Variants in XIRP1 observed in about 807,000 individuals in gnomAD.
The protein encoded by XIRP1 is xin actin-binding repeat-containing protein 1.
For missense variants in XIRP1, 2,378 were observed against 2,345.4 expected, an observed-to-expected ratio of 1.01 and a Z score of -0.29; for synonymous variants, 984 against 947.0, an observed-to-expected ratio of 1.04 and a Z score of -0.72.
chr3:39,186,757 T>C lies in XIRP1; in HGVS notation c.2689A>G (p.Met897Val). Residue 897 changes from methionine (M) to valine (V), a missense_variant, in exon 2 of 2, where the codon ATG becomes GTG. Transcript: ENST00000340369. ...ACCAGGCCCTGCTCTGTCTCCTGCA[T>C]CACCAGCCCAGTCCTTGCCACGGAG... The part of the protein sequence containing the change: ...GTSVARTGLV[M>V]QETEQGLVAL... The C allele has an allele frequency of 2.5e-6, 4 of 1,614,002 alleles. No individual in the cohort carries two copies. Among genetic ancestry groups the C allele is most frequent in the Non-Finnish European group, 3.4e-6 (4 of 1,180,022 alleles).
chr3:39,188,884 C>T lies in XIRP1; in HGVS notation c.562G>A (p.Val188Met), dbSNP rs780722042. Residue 188 changes from valine (V) to methionine (M), a missense_variant, in exon 2 of 2, where the codon GTG becomes ATG. By Grantham distance (21) the Val-to-Met change is conservative. Coordinates refer to ENST00000340369, the MANE Select transcript of XIRP1 (RefSeq NM_194293.4). ...TVREPAASGDVQGTRMLFETR... is the reference protein window; with the variant it reads ...TVREPAASGDMQGTRMLFETR... ...TCAAAGAGCATCCTGGTACCCTGCA[C>T]ATCTCCGCTGGCTGCAGGCTCCCTC... 2 of 1,613,036 alleles carry T rather than the reference C, an allele frequency of 1.2e-6. No individual in the cohort carries two copies. Among genetic ancestry groups the T allele is most frequent in the Admixed American group, 1.7e-5 (1 of 60,028 alleles).
rs1400412184 is a variant in XIRP1 at position 39,184,511 on chromosome 3, C to T, written c.4935G>A (p.Arg1645=). Residue 1645 remains arginine (R), a synonymous_variant, in exon 2 of 2, where the codon AGG becomes AGA. Transcript: ENST00000340369. The part of the protein sequence containing the change: ...GHTASTAPST[R]RQETSREYLC... ...AATACTCTCTTGATGTCTCCTGCCT[C>T]CTGGTGGAAGGGGCAGTTGAGGCTG... is the stretch of plus-strand genomic sequence containing the variant. 2 of 1,613,768 alleles carry T rather than the reference C, an allele frequency of 1.2e-6. No individual in the cohort carries two copies. The highest frequency in any genetic ancestry group is 2.7e-5 in the African/African-American group (2 of 74,930).
rs755075212 is a variant in XIRP1 at position 39,186,686 on chromosome 3, G to A, written c.2760C>T (p.Ala920=). Residue 920 remains alanine, a synonymous_variant, in exon 2 of 2, where the codon GCC becomes GCT. Coordinates refer to ENST00000340369, the MANE Select transcript of XIRP1 (RefSeq NM_194293.4). ...ACAGCTGCACGCTGCTCCTCTCAGA[G>A]GCCTTGCTAGTTAGCCGGGGCTGCA... ...YSLQPRLTSK[A]SERSSVQLLA... 4.3e-6 allele frequency: 7 copies of A among 1,613,984 alleles called. No individual in the cohort carries two copies. The Admixed American group carries it at 5.0e-5, about 12-fold the overall frequency.
rs759887320 is a variant in XIRP1, at chr3:39,186,094, TG to T, written c.3351del (p.Arg1118GlufsTer19). On this transcript the variant is annotated frameshift_variant, in exon 2 of 2. Coordinates refer to ENST00000340369, the MANE Select transcript of XIRP1 (RefSeq NM_194293.4). LOFTEE classifies it low-confidence loss of function (END_TRUNC). ...GGSDPRIPAAPRKVSREEQAL... is the reference protein window; with the variant it reads ...GGSDPRIPAAXRKVSREEQAL... ...GCTTGCTCTTCCCTACTGACCTTTC[TG>T]GGGGCTGCTGGGATCCGGGGATCAC... 25 of 1,613,742 alleles carry T rather than the reference TG, an allele frequency of 1.5e-5. No individual in the cohort carries two copies. The highest frequency in any genetic ancestry group is 2.7e-5 in the African/African-American group (2 of 74,928).
rs756216477 is a variant in XIRP1 at position 39,185,891 on chromosome 3, T to G, written c.3555A>C (p.Pro1185=). ...CCCGCCCTGGCCCAGTACTCTGACC[T>G]GGGCCTCCCTGGAGTGGGCGGGGAG... ...VQAPRPLQGG[P]GQSTGPGREE... Residue 1185 remains proline (P), a synonymous_variant, in exon 2 of 2, where the codon CCA becomes CCC. Coordinates refer to ENST00000340369, the MANE Select transcript of XIRP1 (RefSeq NM_194293.4). 1 of 1,613,530 alleles carries G rather than the reference T, an allele frequency of 6.2e-7. No individual in the cohort carries two copies. The highest frequency in any genetic ancestry group is 8.5e-7 in the Non-Finnish European group (1 of 1,179,716).
rs2040022689 is a variant in XIRP1, at chr3:39,188,217, C to G, written c.1229G>C (p.Gly410Ala). Residue 410 changes from glycine to alanine, a missense_variant, in exon 2 of 2, where the codon GGT (glycine) becomes GCT (alanine). Physicochemically the swap from Gly to Ala is moderately conservative, Grantham distance 60. Transcript: ENST00000340369. ...GHLQRVDPQD[G>A]EGHLSSDSSS... ...GCTGTCACTGGATAGATGCCCCTCA[C>G]CGTCCTGGGGATCCACTCGCTGTAG... The G allele has an allele frequency of 6.2e-7, 1 of 1,614,080 alleles. No homozygotes were observed.
rs533927523 is a variant in XIRP1 at position 39,188,366 on chromosome 3, G to A, written c.1080C>T (p.Asp360=). The A allele has an allele frequency of 8.7e-6, 14 of 1,614,074 alleles. No homozygotes were observed. Among genetic ancestry groups the A allele is most frequent in the South Asian group, 5.5e-5 (5 of 91,066 alleles). ...ETRALDTLKG[D]EEAGAEAPPK... ...GTGGGGCCTCTGCTCCAGCCTCTTC[G>A]TCCCCCTTCAGAGTGTCCAGCGCTC... The change falls in exon 2 of 2, where the codon GAC becomes GAT. Residue 360 remains aspartate, a synonymous_variant. Coordinates refer to ENST00000340369, the MANE Select transcript of XIRP1 (RefSeq NM_194293.4).
rs1431572509 is a variant in XIRP1, at chr3:39,187,010, C to T, written c.2436G>A (p.Gln812=). 8 of 1,607,216 alleles carry T rather than the reference C, an allele frequency of 5.0e-6. No individual in the cohort carries two copies. Among genetic ancestry groups the T allele is most frequent in the Non-Finnish European group, 6.8e-6 (8 of 1,174,474 alleles). The part of the protein sequence containing the change: ...LAKYVLSGTG[Q]GHPYIRKEEL... ...CCTCCTTTCGTATATAAGGGTGCCCCTGCCCTGTGCCCGAGAGCACATACT... is the reference window on the plus strand; with the variant it reads ...CCTCCTTTCGTATATAAGGGTGCCCTTGCCCTGTGCCCGAGAGCACATACT... The change falls in exon 2 of 2, where the codon CAG becomes CAA. Residue 812 remains glutamine (Q), a synonymous_variant. Coordinates refer to ENST00000340369, the MANE Select transcript of XIRP1 (RefSeq NM_194293.4).
At position 39,185,173 on chromosome 3, in the gene XIRP1, G is replaced by A. The variant is rs775435338; in HGVS notation, c.4273C>T (p.Pro1425Ser). The A allele has an allele frequency of 6.2e-7, 1 of 1,610,456 alleles. No homozygotes were observed. The highest frequency in any genetic ancestry group is 2.2e-5 in the East Asian group (1 of 44,846). ...TGGTTGAGGGCATTGAGCTTGGGGG[G>A]CTCAGAGCTCTGGGCATTGCTGCCT... is the stretch of plus-strand genomic sequence containing the variant. ...ATGSNAQSSEPPKLNALNHDP... is the reference protein window; with the variant it reads ...ATGSNAQSSESPKLNALNHDP... The change falls in exon 2 of 2, where the codon CCC becomes TCC. Residue 1425 changes from proline (P) to serine (S), a missense_variant. Transcript: ENST00000340369.
chr3:39,188,011 T>G lies in XIRP1; in HGVS notation c.1435A>C (p.Ile479Leu). 1 of 1,614,230 alleles carries G rather than the reference T, an allele frequency of 6.2e-7. No individual in the cohort carries two copies. Among genetic ancestry groups the G allele is most frequent in the Non-Finnish European group, 8.5e-7 (1 of 1,180,032 alleles). ...TGCATGGCATACACTGGGGACCCTA[T>G]GCCCTGGGCCTGCCCAGCAGAATCA... ...GTDSAGQAQGIGSPVYAMQDS... is the reference protein window; with the variant it reads ...GTDSAGQAQGLGSPVYAMQDS... The change falls in exon 2 of 2, where the codon ATA becomes CTA. Residue 479 changes from isoleucine (I) to leucine (L), a missense_variant. By Grantham distance (5) the Ile-to-Leu change is conservative (BLOSUM62 2). Transcript: ENST00000340369.
At position 39,186,349 on chromosome 3, in the gene XIRP1, A is replaced by G. The variant is rs1475036454; in HGVS notation, c.3097T>C (p.Leu1033=). Residue 1033 remains leucine (L), a synonymous_variant, in exon 2 of 2, where the codon TTG becomes CTG. Transcript: ENST00000340369. ...SHSGQKGMAV[L]GKSEGATTTP... ...GTCGTGGCTCCTTCTGACTTTCCCA[A>G]GACTGCCATCCCTTTCTGTCCAGAG... The G allele has an allele frequency of 3.1e-6, 5 of 1,614,106 alleles. No homozygotes were observed. The highest frequency in any genetic ancestry group is 4.2e-6 in the Non-Finnish European group (5 of 1,180,016).
chr3:39,184,272 G>T lies in XIRP1; in HGVS notation c.5174C>A (p.Thr1725Asn), dbSNP rs1248266114. The T allele has an allele frequency of 6.2e-7, 1 of 1,614,202 alleles. No homozygotes were observed. Among genetic ancestry groups the T allele is most frequent in the Admixed American group, 1.7e-5 (1 of 60,028 alleles). Reference sequence around the variant, plus strand: ...AGGTTCAGGTTGCACAGAGCACTGGGTGATGTCCTTCTTCCCAGTTTTGTC... The same window carrying T: ...AGGTTCAGGTTGCACAGAGCACTGGTTGATGTCCTTCTTCCCAGTTTTGTC... Reference protein sequence around the residue: ...VQDKTGKKDITQCSVQPEPAP... With the variant: ...VQDKTGKKDINQCSVQPEPAP... The change falls in exon 2 of 2, where the codon ACC becomes AAC. Residue 1725 changes from threonine (T) to asparagine (N), a missense_variant. Physicochemically the swap from Thr to Asn is moderately conservative, Grantham distance 65. Coordinates refer to ENST00000340369, the MANE Select transcript of XIRP1 (RefSeq NM_194293.4).
rs760045812 is a variant in XIRP1 at position 39,187,160 on chromosome 3, C to T, written c.2286G>A (p.Arg762=). ...EEQPMSPSGN[R]MQESQETAAE... is the part of the protein sequence containing the mutation. The stretch of plus-strand genomic sequence containing the variant: ...CTGCAGTCTCCTGGCTCTCTTGCAT[C>T]CTGTTGCCTGAGGGGCTCATGGGCT... Residue 762 remains arginine, a synonymous_variant, in exon 2 of 2, where the codon AGG becomes AGA. Coordinates refer to ENST00000340369, the MANE Select transcript of XIRP1 (RefSeq NM_194293.4). 1 of 1,608,152 alleles carries T rather than the reference C, an allele frequency of 6.2e-7. No individual in the cohort carries two copies. Among genetic ancestry groups the T allele is most frequent in the South Asian group, 1.1e-5 (1 of 90,946 alleles).
chr3:39,188,392 G>T lies in XIRP1; in HGVS notation c.1054C>A (p.Arg352=). 1 of 1,613,018 alleles carries T rather than the reference G, an allele frequency of 6.2e-7. No individual in the cohort carries two copies. Among genetic ancestry groups the T allele is most frequent in the Non-Finnish European group, 8.5e-7 (1 of 1,179,110 alleles). Residue 352 remains arginine (R), a synonymous_variant, in exon 2 of 2, where the codon CGA becomes AGA. Transcript: ENST00000340369. ...VQQQQHLFET[R]ALDTLKGDEE... ...TCCCCCTTCAGAGTGTCCAGCGCTCGGGTCTCAAACAGATGCTGCTGCTGC... is the reference window on the plus strand; with the variant it reads ...TCCCCCTTCAGAGTGTCCAGCGCTCTGGTCTCAAACAGATGCTGCTGCTGC...
rs1332940019 is a variant in XIRP1 at position 39,185,380 on chromosome 3, C to T, written c.4066G>A (p.Val1356Met). 1.9e-6 allele frequency: 3 copies of T among 1,614,018 alleles called. No homozygotes were observed. Among genetic ancestry groups the T allele is most frequent in the Non-Finnish European group, 2.5e-6 (3 of 1,180,012 alleles). The change falls in exon 2 of 2, where the codon GTG (valine) becomes ATG (methionine). Residue 1356 changes from valine to methionine, a missense_variant. Val to Met is a conservative substitution (Grantham distance 21). Transcript: ENST00000340369. The stretch of plus-strand genomic sequence containing the variant: ...CCTCGTTGGTGTTCTCTTTGCCCCA[C>T]CTCCGAGGAAAAGCTGGGAGATAGA... ...LPLSPSFSSE[V>M]GQREHQRGER...
Position 39,185,487 on chromosome 3 carries a change from G to C in XIRP1, c.3959C>G (p.Pro1320Arg), listed in dbSNP as rs762282667. Reference sequence around the variant, plus strand: ...AGGGGGCAGCTGCGGCTTCTTCTTTGGGGGCATGGTGGGGTCCAGTTTTGG... The same window carrying C: ...AGGGGGCAGCTGCGGCTTCTTCTTTCGGGGCATGGTGGGGTCCAGTTTTGG... Reference protein sequence around the residue: ...KTPKLDPTMPPKKKPQLPPKP... With the variant: ...KTPKLDPTMPRKKKPQLPPKP... Residue 1320 changes from proline to arginine, a missense_variant, in exon 2 of 2, where the codon CCA (proline) becomes CGA (arginine). Pro to Arg is a moderately radical substitution (Grantham distance 103). Coordinates refer to ENST00000340369, the MANE Select transcript of XIRP1 (RefSeq NM_194293.4). 6.4e-7 allele frequency: 1 copy of C among 1,567,742 alleles called. No homozygotes were observed. Among genetic ancestry groups the C allele is most frequent in the South Asian group, 1.2e-5 (1 of 82,658 alleles).
In XIRP1 at chr3:39,188,415, T is replaced by G; in HGVS notation, c.1031A>C (p.Gln344Pro). The G allele has an allele frequency of 2.5e-6, 4 of 1,608,364 alleles. No individual in the cohort carries two copies. The highest frequency in any genetic ancestry group is 3.4e-6 in the Non-Finnish European group (4 of 1,175,456). Residue 344 changes from glutamine (Q) to proline (P), a missense_variant, in exon 2 of 2, where the codon CAG becomes CCG. Gln to Pro is a moderately conservative substitution (Grantham distance 76). Coordinates refer to ENST00000340369, the MANE Select transcript of XIRP1 (RefSeq NM_194293.4). ...DLIPPGPDVQQQQHLFETRAL... is the reference protein window; with the variant it reads ...DLIPPGPDVQPQQHLFETRAL... ...TCGGGTCTCAAACAGATGCTGCTGC[T>G]GCTGAACATCTGGACCAGGTGGGAT...
rs188559708 is a variant in XIRP1, at chr3:39,187,022, C to T, written c.2424G>A (p.Ser808=). 171 of 1,608,102 alleles carry T rather than the reference C, an allele frequency of 1.1e-4. No individual in the cohort carries two copies. The Admixed American group carries it at 1.2e-3, about 11-fold the overall frequency. ...GELCLAKYVL[S]GTGQGHPYIR... ...TATAAGGGTGCCCCTGCCCTGTGCC[C>T]GAGAGCACATACTTGGCAAGACAGA... The change falls in exon 2 of 2, where the codon TCG becomes TCA. Residue 808 remains serine (S), a synonymous_variant. Coordinates refer to ENST00000340369, the MANE Select transcript of XIRP1 (RefSeq NM_194293.4).
In XIRP1 at chr3:39,186,936, C is replaced by T. The variant is rs150075136; in HGVS notation, c.2510G>A (p.Arg837Gln). 314 of 1,613,166 alleles carry T rather than the reference C, an allele frequency of 1.9e-4. No homozygotes were observed. Among genetic ancestry groups the T allele is most frequent in the African/African-American group, 1.9e-4 (14 of 74,898 alleles). The change falls in exon 2 of 2, where the codon CGG becomes CAG. Residue 837 changes from arginine to glutamine, a missense_variant. Physicochemically the swap from Arg to Gln is conservative, Grantham distance 43. Coordinates refer to ENST00000340369, the MANE Select transcript of XIRP1 (RefSeq NM_194293.4). ...LPRIICQVLRRPDVDQQGLLV... is the reference protein window; with the variant it reads ...LPRIICQVLRQPDVDQQGLLV... ...CAGCCCCTGCTGGTCCACATCTGGC[C>T]GGCGCAGGACTTGGCAGATGATCCT...
Sources: allele counts gnomAD v4.1 joint callset, GRCh38; gene constraint gnomAD v4.1.1; transcripts MANE v1.5; gene names NCBI Gene and HGNC (gene_info 2026-07-23, HGNC 2026-07-21).